The following PKIB variants were observed in gnomAD, a reference collection of about 807,000 sequenced individuals.
The protein encoded by PKIB is cAMP-dependent protein kinase inhibitor beta, also known as PKI-beta.
Under a neutral mutation model 4.5 loss-of-function variants are expected in PKIB, and 2 were observed. The ratio of observed to expected loss-of-function variants is 0.44; its 90% CI spans 0.18 to 1.39. PKIB has a LOEUF of 1.39. Ranked by LOEUF, PKIB falls within the 40% of genes most tolerant of loss-of-function variation. The probability of loss-of-function intolerance (pLI) is 0.27; values close to 1 mark genes in which losing one functional copy is unlikely to be tolerated. For synonymous variants in PKIB, 38 were observed against 36.0 expected (o/e 1.06, Z -0.20); for missense variants, 94 against 92.6 (o/e 1.02, Z -0.06).
intron 4 of PKIB, among the ~76,000 whole-genome samples, chr6:122,724,716 G>T (rs745558655): frequency 6.6e-6 from 1 of 152,134 alleles, no homozygotes; most frequent in Non-Finnish European, 1.5e-5. Context: ...AAAGGGAGTA[G>T]AAAGTGTGAA....
chr6:122,489,506 C>G (rs1416253578), intron 2 of PKIB, among the ~76,000 whole-genome samples: 2 of 152,176 alleles, frequency 1.3e-5, no homozygotes, highest in Non-Finnish European at 2.9e-5. Context: ...CCTCAGCCTC[C>G]CAAAGTGCTG....
chr6:122,586,277 G>T (rs1049059062), intron 3 of PKIB, among the ~76,000 whole-genome samples: 1 of 152,040 alleles, frequency 6.6e-6, no homozygotes, highest in Non-Finnish European at 1.5e-5. Context: ...GTTCTGTCCT[G>T]GTTAGGTTTT....
chr6:122,617,814 A>G (rs1775057078), intron 1 of PKIB, among the ~76,000 whole-genome samples: 1 of 152,134 alleles, frequency 6.6e-6, no homozygotes, highest in Non-Finnish European at 1.5e-5. Flanking sequence ...TATTAAGTAC[A>G]TCAAGATGTT....
At chr6:122,568,020 A>G (rs1582703191) in intron 2 of PKIB, among the ~76,000 whole-genome samples, 2 of 152,162 alleles carry the variant, frequency 1.3e-5, no homozygotes, top group Non-Finnish European at 2.9e-5. Context: ...ATTAATTAAA[A>G]TATAGACAGA....
At chr6:122,606,744 T>TA (rs1393456007), upstream of PKIB, among the ~76,000 whole-genome samples, 2 of 151,846 alleles carry the variant, frequency 1.3e-5, no homozygotes, top group Non-Finnish European at 2.9e-5. Flanking sequence ...ATGGCAACCC[T>TA]AAAAAAACTA....
intron 2 of PKIB, among the ~76,000 whole-genome samples, chr6:122,492,050 A>G (rs992758703): frequency 1.3e-5 from 2 of 152,194 alleles, no homozygotes; most frequent in Non-Finnish European, 2.9e-5. Flanking sequence ...TGGAGGTTTT[A>G]TTCAGAGGCT....
intron 1 of PKIB, among the ~76,000 whole-genome samples, chr6:122,621,429 A>G (rs1406216923): frequency 2.0e-5 from 3 of 152,204 alleles, no homozygotes; most frequent in African/African-American, 7.2e-5. Context: ...ATAGGTAAAT[A>G]ACTGCAAACA....
intron 3 of PKIB, among the ~76,000 whole-genome samples, chr6:122,680,937 G>A (rs775070978): frequency 1.3e-5 from 2 of 152,204 alleles, no homozygotes; most frequent in Middle Eastern, 3.4e-3. Context: ...TAAATGTTGT[G>A]GCCCCTACTA....
intron 3 of PKIB, among the ~76,000 whole-genome samples, chr6:122,588,159 C>T (rs1368567437): frequency 6.6e-6 from 1 of 152,068 alleles, no homozygotes; most frequent in African/African-American, 2.4e-5. Flanking sequence ...GGTTTTAGGG[C>T]TGATATTTAA....
At chr6:122,643,753 TG>T (rs1776205727) in intron 2 of PKIB, 1 of 152,228 alleles carries the variant, frequency 6.6e-6, no homozygotes, top group African/African-American at 2.4e-5. Context: ...TGTAAATGTA[TG>T]GTTTTTTTAA....
chr6:122,691,207 G>A (rs1461265318), intron 3 of PKIB, among the ~76,000 whole-genome samples: 1 of 151,730 alleles, frequency 6.6e-6, no homozygotes, highest in Non-Finnish European at 1.5e-5. Context: ...TAACCTTCCT[G>A]TACTTAGATA....
chr6:122,522,981 T>C (rs1776989850), intron 2 of PKIB, among the ~76,000 whole-genome samples: 1 of 152,214 alleles, frequency 6.6e-6, no homozygotes, highest in African/African-American at 2.4e-5. Flanking sequence ...TTTCATTGTT[T>C]GTTTTGACTA....
At chr6:122,660,313 CCTAATTACA>C (rs778059344) in intron 2 of PKIB, among the ~76,000 whole-genome samples, 75 of 152,282 alleles carry the variant, frequency 4.9e-4, no homozygotes, top group Non-Finnish European at 8.7e-4. Flanking sequence ...AATCCAGAGA[CCTAATTACA>C]CTTTCACTCT....
intron 3 of PKIB, among the ~76,000 whole-genome samples, chr6:122,703,922 G>GTATA (rs151131565): frequency 2.6e-3 from 352 of 133,392 alleles, no homozygotes; most frequent in Middle Eastern, 3.9e-3. Context: ...ATATATGTGT[G>GTATA]TATATATATA....
chr6:122,574,726 C>G (rs1773476602), intron 2 of PKIB, among the ~76,000 whole-genome samples: 1 of 152,114 alleles, frequency 6.6e-6, no homozygotes, highest in Admixed American at 6.5e-5. Flanking sequence ...ATCCTCATCT[C>G]TCACCTTCTA....
intron 2 of PKIB, chr6:122,478,225 C>G (rs1373856769): frequency 6.6e-6 from 1 of 152,148 alleles, no homozygotes; most frequent in African/African-American, 2.4e-5. Context: ...TATGAGCCAA[C>G]CACAGGCCAT....
chr6:122,563,588 C>T (rs930296278), intron 2 of PKIB, among the ~76,000 whole-genome samples: 1 of 152,090 alleles, frequency 6.6e-6, no homozygotes, highest in East Asian at 1.9e-4. Context: ...CAGGCGGGGG[C>T]AGGACTAGGC....
chr6:122,637,711 A>G (rs1775979437), intron 2 of PKIB, among the ~76,000 whole-genome samples: 1 of 151,668 alleles, frequency 6.6e-6, no homozygotes, highest in South Asian at 2.1e-4. Flanking sequence ...AGCAGAGATC[A>G]CGTCACTGCA....
At chr6:122,528,385 G>T (rs1777158135) in intron 2 of PKIB, among the ~76,000 whole-genome samples, 1 of 152,040 alleles carries the variant, frequency 6.6e-6, no homozygotes. Context: ...AGTAAGCTCA[G>T]GCTGATAAAA....
Sources: allele counts gnomAD v4.1 joint callset (sites outside exome capture counted in the v4.1 genomes callset), GRCh38; gene constraint gnomAD v4.1.1; transcripts MANE v1.5; gene names NCBI Gene and HGNC (gene_info 2026-07-23, HGNC 2026-07-21).